The following CBFB variants were observed in gnomAD, a reference collection of about 807,000 sequenced individuals.
CBFB encodes the protein CBF-beta.
Under a neutral mutation model 30.4 loss-of-function variants are expected in CBFB, and 9 were observed. The ratio of observed to expected loss-of-function variants is 0.30; its 90% CI spans 0.18 to 0.52. The LOEUF (loss-of-function observed/expected upper bound fraction) is 0.52, where lower values mean the gene tolerates loss of function less well. Among genes scored for constraint, CBFB ranks in the 20% least tolerant of loss-of-function variants. The pLI, the probability that CBFB is intolerant of heterozygous loss-of-function variation, is 0.97. For missense variants in CBFB, 170 were observed against 244.0 expected, an observed-to-expected ratio of 0.70 and a Z score of 2.02; for synonymous variants, 94 against 84.0, an observed-to-expected ratio of 1.12 and a Z score of -0.65.
Position 67,060,166 on chromosome 16 carries a change from A to G in CBFB, c.283-6516A>G, listed in dbSNP as rs182763864. On this transcript the variant is annotated intron_variant, in intron 3 of 5. Transcript: ENST00000412916. ...CTAATTTTTTAAAATTTTTGTAGAG[A>G]TGAGGTCTCACTATGTTGCCCTGGC... Among the ~76,000 whole-genome samples, 123 of 151,990 alleles carry G rather than the reference A, an allele frequency of 8.1e-4. 3 individuals carry two copies. The East Asian group carries it at 0.022, about 28-fold the overall frequency.
chr16:67,056,713 C>A (rs924265981), intron 3 of CBFB, among the ~76,000 whole-genome samples: 4 of 149,224 alleles, frequency 2.7e-5, no homozygotes, highest in Non-Finnish European at 5.9e-5. Flanking sequence ...GACAGAGTCT[C>A]GCTCTGTCAC....
intron 2 of CBFB, among the ~76,000 whole-genome samples, chr16:67,035,119 G>C (rs545034805): frequency 6.6e-6 from 1 of 151,764 alleles, no homozygotes; most frequent in East Asian, 1.9e-4. Flanking sequence ...TCGCCTTGTT[G>C]TCCAGGCTGG....
intron 4 of CBFB, among the ~76,000 whole-genome samples, chr16:67,074,207 A>G (rs1961320974): frequency 6.7e-6 from 1 of 150,110 alleles, no homozygotes; most frequent in South Asian, 2.2e-4. Context: ...GCAATAAACA[A>G]AGACAAAGGT....
intron 4 of CBFB, among the ~76,000 whole-genome samples, chr16:67,071,068 T>TA (rs990897586): frequency 5.3e-5 from 8 of 151,844 alleles, no homozygotes; most frequent in Non-Finnish European, 1.2e-4. Context: ...CAGTGTATAG[T>TA]AAAAAAAATT....
At chr16:67,029,942 C>G (rs759477367) in intron 2 of CBFB, 129 bp downstream of exon 2, 1 of 542,278 alleles carries the variant, frequency 1.8e-6, no homozygotes, top group Non-Finnish European at 3.0e-6. Flanking sequence ...TCACTTCCTA[C>G]TCGGGATTCA....
chr16:67,033,453 T>C (rs990358127), intron 2 of CBFB, among the ~76,000 whole-genome samples: 1 of 152,030 alleles, frequency 6.6e-6, no homozygotes, highest in Admixed American at 6.6e-5. Context: ...CCTGACTTGC[T>C]GGGATTACAG....
At chr16:67,048,955 GA>G in intron 3 of CBFB, among the ~76,000 whole-genome samples, 1 of 151,588 alleles carries the variant, frequency 6.6e-6, no homozygotes, top group Non-Finnish European at 1.5e-5. Context: ...GAGTAGCTGG[GA>G]TTACAGGCAT....
intron 5 of CBFB, among the ~76,000 whole-genome samples, chr16:67,082,635 T>C (rs950917404): frequency 2.6e-5 from 4 of 152,174 alleles, no homozygotes; most frequent in African/African-American, 9.6e-5. Flanking sequence ...AATCAGCTTA[T>C]GTTAACAGAT....
At chr16:67,077,079 T>C (rs73593311) in intron 4 of CBFB, among the ~76,000 whole-genome samples, 6,672 of 152,266 alleles carry the variant, frequency 0.044, 482 homozygotes, top group African/African-American at 0.15. Flanking sequence ...TCCTAGTAGA[T>C]TTCTAATTCA....
intron 3 of CBFB, among the ~76,000 whole-genome samples, chr16:67,039,550 A>G (rs1567605264): frequency 6.6e-6 from 1 of 152,246 alleles, no homozygotes; most frequent in Non-Finnish European, 1.5e-5. Context: ...CAGATTCATT[A>G]TAATCTTACA....
intron 3 of CBFB, among the ~76,000 whole-genome samples, chr16:67,065,166 C>T (rs751340412): frequency 2.0e-5 from 3 of 151,968 alleles, no homozygotes; most frequent in South Asian, 4.2e-4. Context: ...CCCAAAGTGC[C>T]GGGATTACAG....
chr16:67,080,941 T>C (rs960410157), intron 4 of CBFB, among the ~76,000 whole-genome samples: 5 of 152,184 alleles, frequency 3.3e-5, no homozygotes, highest in Admixed American at 1.3e-4. Flanking sequence ...GCATAAAATA[T>C]GAAATACTGA....
chr16:67,074,416 C>T (rs541463826), intron 4 of CBFB, among the ~76,000 whole-genome samples: 8 of 148,348 alleles, frequency 5.4e-5, no homozygotes, highest in Non-Finnish European at 1.0e-4. Flanking sequence ...CAGAGTCTAG[C>T]TCTGTCACCA....
intron 4 of CBFB, among the ~76,000 whole-genome samples, chr16:67,072,725 CA>C (rs1212080043): frequency 3.3e-5 from 5 of 151,058 alleles, no homozygotes; most frequent in Non-Finnish European, 2.9e-5. Context: ...CTCAGCCTCC[CA>C]AAGTGCTGGG....
At chr16:67,097,561 AAAG>A (rs2145789613) in intron 5 of CBFB, among the ~76,000 whole-genome samples, 1 of 152,196 alleles carries the variant, frequency 6.6e-6, no homozygotes, top group South Asian at 2.1e-4. Context: ...AAAAAAAAAA[AAAG>A]CATCTGGGAA....
At chr16:67,034,260 A>G (rs1966405959) in intron 2 of CBFB, among the ~76,000 whole-genome samples, 1 of 152,226 alleles carries the variant, frequency 6.6e-6, no homozygotes, top group African/African-American at 2.4e-5. Context: ...ACATATTTCT[A>G]ATTCTAAAGA....
At chr16:67,097,545 CAAA>C (rs1416293585) in intron 5 of CBFB, among the ~76,000 whole-genome samples, 2 of 48,874 alleles carry the variant, frequency 4.1e-5, no homozygotes, top group Admixed American at 2.2e-4. Flanking sequence ...AACTCCGTCT[CAAA>C]AAAAAAAAAA....
At chr16:67,059,177 G>C (rs1960816698) in intron 3 of CBFB, among the ~76,000 whole-genome samples, 1 of 152,150 alleles carries the variant, frequency 6.6e-6, no homozygotes, top group African/African-American at 2.4e-5. Context: ...TCCAAATTTA[G>C]ATATTCATAG....
chr16:67,038,278 T>TTG (rs988206228), intron 3 of CBFB, among the ~76,000 whole-genome samples: 19 of 149,154 alleles, frequency 1.3e-4, no homozygotes, highest in Middle Eastern at 3.5e-3. Flanking sequence ...TAATTTAATC[T>TTG]TGTGTGTATA....
Sources: allele counts gnomAD v4.1 joint callset (sites outside exome capture counted in the v4.1 genomes callset), GRCh38; gene constraint gnomAD v4.1.1; transcripts MANE v1.5; gene names NCBI Gene and HGNC (gene_info 2026-07-23, HGNC 2026-07-21).